KCNIP1: variants seen among roughly 807,000 people sequenced by gnomAD.
KCNIP1 encodes the protein A-type potassium channel modulatory protein KCNIP1.
KCNIP1 carries 18 observed loss-of-function variants against 33.0 expected under a neutral mutation model. That is an observed-to-expected ratio of 0.55 (90% CI 0.38 to 0.81). KCNIP1 has a LOEUF of 0.81. KCNIP1 is among the 30% of genes least tolerant of loss of function. The pLI, the probability that KCNIP1 is intolerant of heterozygous loss-of-function variation, is 0.00. For synonymous variants in KCNIP1, 93 were observed against 98.3 expected (o/e 0.95, Z 0.32); for missense variants, 238 against 271.6 (o/e 0.88, Z 0.87).
intron 1 of KCNIP1, among the ~76,000 whole-genome samples, chr5:170,706,019 G>T (rs766438746): frequency 6.6e-6 from 1 of 152,144 alleles, no homozygotes; most frequent in African/African-American, 2.4e-5. Flanking sequence ...CCTCCTAGGG[G>T]CAGTGAGATG....
intron 1 of KCNIP1, among the ~76,000 whole-genome samples, chr5:170,676,173 G>GAAGGAAGGGAAAGGAAAGGA (rs1762133337): frequency 9.9e-6 from 1 of 100,946 alleles, no homozygotes; most frequent in Admixed American, 1.1e-4. Context: ...GGGAAAGAAG[G>GAAGGAAGGGAAAGGAAAGGA]AAGGAAAGGA....
chr5:170,577,603 G>A (rs1291343988), intron 1 of KCNIP1, among the ~76,000 whole-genome samples: 1 of 152,138 alleles, frequency 6.6e-6, no homozygotes, highest in Non-Finnish European at 1.5e-5. Context: ...AAAGGTTAAA[G>A]AAACAAAGAA....
intron 1 of KCNIP1, among the ~76,000 whole-genome samples, chr5:170,584,765 T>A (rs1333435908): frequency 6.6e-6 from 1 of 152,210 alleles, no homozygotes; most frequent in African/African-American, 2.4e-5. Flanking sequence ...ATTTCAGTTT[T>A]ATTTTCAGCT....
At chr5:170,686,278 G>A (rs575293205) in intron 1 of KCNIP1, among the ~76,000 whole-genome samples, 1 of 152,230 alleles carries the variant, frequency 6.6e-6, no homozygotes, top group South Asian at 2.1e-4. Flanking sequence ...AGGAAGATGA[G>A]AGCTACAATA....
chr5:170,572,808 A>G (rs1757469011), intron 1 of KCNIP1, among the ~76,000 whole-genome samples: 1 of 152,174 alleles, frequency 6.6e-6, no homozygotes, highest in African/African-American at 2.4e-5. Context: ...CTCTTTACAG[A>G]TGGGACTCAG....
At chr5:170,456,298 G>A (rs937711061) in intron 1 of KCNIP1, among the ~76,000 whole-genome samples, 3 of 151,910 alleles carry the variant, frequency 2.0e-5, no homozygotes, top group Admixed American at 6.6e-5. Flanking sequence ...ATCACACACC[G>A]GGGCCTGTCG....
At chr5:170,596,514 G>A (rs1758445175) in intron 1 of KCNIP1, among the ~76,000 whole-genome samples, 2 of 152,192 alleles carry the variant, frequency 1.3e-5, no homozygotes, top group African/African-American at 4.8e-5. Context: ...GCCACAGTAG[G>A]GAAGAGGAAT....
In KCNIP1 at chr5:170,683,894, ATGTGTG is replaced by A. The variant is rs1168722972; in HGVS notation, c.62-34828_62-34823del. Among the ~76,000 whole-genome samples, 10 of 91,738 alleles carry A rather than the reference ATGTGTG, an allele frequency of 1.1e-4. 1 individual carries two copies. The South Asian group carries it at 3.4e-3, about 32-fold the overall frequency. 60.2% of individuals were successfully genotyped at this position (91,738 alleles called of 152,430 possible). ...ATACACCACTATGCCCAGCTAGTGT[ATGTGTG>A]TGTGTGTGTGTGTGTGTGTGTGTGT... On this transcript the variant is annotated intron_variant, in intron 1 of 7. Transcript: ENST00000328939.
At chr5:170,359,315 G>A (rs541320104) in intron 1 of KCNIP1, among the ~76,000 whole-genome samples, 1 of 152,322 alleles carries the variant, frequency 6.6e-6, no homozygotes, top group South Asian at 2.1e-4. Flanking sequence ...CTGGAATTGA[G>A]GTGTTGCAGC....
rs766927552 is a variant in KCNIP1 at position 170,385,435 on chromosome 5, G to T, written c.88+31471G>T. 94 of 1,614,042 alleles carry T rather than the reference G, an allele frequency of 5.8e-5. No individual in the cohort carries two copies. Among genetic ancestry groups the T allele is most frequent in the Non-Finnish European group, 7.5e-5 (89 of 1,180,038 alleles). On this transcript the variant is annotated intron_variant, in intron 1 of 7. Transcript: ENST00000377360. ...TCTCCCCGCTTCTGGGCCATCACCA[G>T]CTTCTTCACCATATTCACTGGGGGC...
At chr5:170,566,254 T>G (rs922742424) in intron 1 of KCNIP1, among the ~76,000 whole-genome samples, 4 of 152,062 alleles carry the variant, frequency 2.6e-5, no homozygotes, top group Non-Finnish European at 4.4e-5. Flanking sequence ...TGTTTGGTTG[T>G]TTGTTTGTGT....
At chr5:170,357,482 C>G (rs1561582037) in intron 1 of KCNIP1, among the ~76,000 whole-genome samples, 1 of 152,200 alleles carries the variant, frequency 6.6e-6, no homozygotes, top group Non-Finnish European at 1.5e-5. Context: ...AGCAACATCT[C>G]ATGATCACTT....
chr5:170,486,856 A>G (rs1757103879), intron 1 of KCNIP1, among the ~76,000 whole-genome samples: 1 of 152,226 alleles, frequency 6.6e-6, no homozygotes, highest in South Asian at 2.1e-4. Flanking sequence ...CCACACTGGT[A>G]CACGCCTGTG....
intron 6 of KCNIP1, among the ~76,000 whole-genome samples, chr5:170,733,358 G>A (rs997882883): frequency 4.6e-5 from 7 of 152,176 alleles, no homozygotes; most frequent in Non-Finnish European, 8.8e-5. Flanking sequence ...TATAATCATT[G>A]GGGCATTTTA....
intron 1 of KCNIP1, among the ~76,000 whole-genome samples, chr5:170,583,740 A>G (rs1004226559): frequency 6.6e-6 from 1 of 152,222 alleles, no homozygotes; most frequent in African/African-American, 2.4e-5. Flanking sequence ...AGCTGATGGA[A>G]AAAGGGCGGT....
At chr5:170,376,564 G>T (rs1301161972) in intron 1 of KCNIP1, 1 of 151,934 alleles carries the variant, frequency 6.6e-6, no homozygotes, top group African/African-American at 2.4e-5. Flanking sequence ...TCCCCTCTTT[G>T]TGTCCATGTG....
chr5:170,716,109 CTGA>C (rs1479243658), intron 1 of KCNIP1, among the ~76,000 whole-genome samples: 1 of 152,214 alleles, frequency 6.6e-6, no homozygotes, highest in Non-Finnish European at 1.5e-5. Flanking sequence ...GAAGGGAGAG[CTGA>C]TGTGAGAGCG....
chr5:170,574,714 G>C (rs941456086), intron 1 of KCNIP1, among the ~76,000 whole-genome samples: 4 of 152,156 alleles, frequency 2.6e-5, no homozygotes, highest in Non-Finnish European at 5.9e-5. Flanking sequence ...CAGCAGCTCA[G>C]GGTGCCAGGA....
At chr5:170,488,087 T>C (rs992257895) in intron 1 of KCNIP1, among the ~76,000 whole-genome samples, 2 of 152,232 alleles carry the variant, frequency 1.3e-5, no homozygotes, top group African/African-American at 4.8e-5. Flanking sequence ...AAGCTGATGG[T>C]GCCTCCTGGA....
Sources: allele counts gnomAD v4.1 joint callset (sites outside exome capture counted in the v4.1 genomes callset), GRCh38; gene constraint gnomAD v4.1.1; transcripts MANE v1.5; gene names NCBI Gene and HGNC (gene_info 2026-07-23, HGNC 2026-07-21).